The following PRLR variants were observed in gnomAD, a reference collection of about 807,000 sequenced individuals.
PRLR encodes prolactin receptor.
In PRLR, 13 loss-of-function variants were observed where a neutral mutation model predicts 40.2. The ratio of observed to expected loss-of-function variants is 0.32; its 90% CI spans 0.21 to 0.51. The LOEUF (loss-of-function observed/expected upper bound fraction) is 0.51. Among genes scored for constraint, PRLR ranks in the 20% least tolerant of loss-of-function variants. PRLR has a pLI of 0.97. For synonymous variants in PRLR, 269 were observed against 278.7 expected (o/e 0.97, Z 0.35); for missense variants, 656 against 747.3 (o/e 0.88, Z 1.42).
chr5:35,223,920 A>G (rs749262492), intron 1 of PRLR, among the ~76,000 whole-genome samples: 1 of 152,212 alleles, frequency 6.6e-6, no homozygotes, highest in Non-Finnish European at 1.5e-5. Context: ...CTAGAGAAAT[A>G]GCTGGGAAAG....
chr5:35,218,274 T>C (rs1475754554), intron 1 of PRLR, among the ~76,000 whole-genome samples: 1 of 152,142 alleles, frequency 6.6e-6, no homozygotes, highest in African/African-American at 2.4e-5. Flanking sequence ...TTTTGAAAAT[T>C]AAAGTTGAAT....
rs569487183 is a variant in PRLR at position 35,083,914 on chromosome 5, A to G, written c.373+556T>C. On this transcript the variant is annotated intron_variant, in intron 5 of 9. Coordinates refer to ENST00000618457, the MANE Select transcript of PRLR (RefSeq NM_000949.7). ...ATAAAAGTAACATGATTACTTTGTA[A>G]ATGTTTAGTAAAAAAAATTACCAAT... Among the ~76,000 whole-genome samples, 12 of 152,178 alleles carry G rather than the reference A, an allele frequency of 7.9e-5. No individual in the cohort carries two copies. The East Asian group carries it at 2.1e-3, about 27-fold the overall frequency.
intron 1 of PRLR, among the ~76,000 whole-genome samples, chr5:35,127,026 G>A (rs1314773478): frequency 6.6e-6 from 1 of 152,202 alleles, no homozygotes; most frequent in Non-Finnish European, 1.5e-5. Flanking sequence ...GCCACCTGGA[G>A]TAAGAACTGC....
At chr5:35,123,580 C>T (rs1016862659) in intron 1 of PRLR, among the ~76,000 whole-genome samples, 2 of 152,112 alleles carry the variant, frequency 1.3e-5, no homozygotes, top group African/African-American at 4.8e-5. Context: ...CATTGTTTAA[C>T]AGAGAGACAG....
intron 1 of PRLR, among the ~76,000 whole-genome samples, chr5:35,138,918 A>T (rs1470683575): frequency 6.6e-6 from 1 of 152,230 alleles, no homozygotes; most frequent in African/African-American, 2.4e-5. Context: ...AATTTCAAAG[A>T]TAATAAAATG....
intron 8 of PRLR, chr5:35,049,480 A>G: frequency 1.5e-6 from 1 of 655,446 alleles, no homozygotes; most frequent in Non-Finnish European, 2.7e-6. Context: ...TACCTCTTTT[A>G]TTTAAAAAGA....
At chr5:35,086,131 T>G in intron 4 of PRLR, 77 bp downstream of exon 4, 1 of 1,560,794 alleles carries the variant, frequency 6.4e-7, no homozygotes, top group Non-Finnish European at 8.7e-7. Flanking sequence ...GTGCTGTCAC[T>G]CAGAACCAGT....
chr5:35,184,073 C>A (rs1775362196), intron 1 of PRLR, among the ~76,000 whole-genome samples: 1 of 152,186 alleles, frequency 6.6e-6, no homozygotes, highest in African/African-American at 2.4e-5. Flanking sequence ...TAAGACCTTG[C>A]TCTTTTAGAT....
At chr5:35,078,029 A>G (rs897553466) in intron 5 of PRLR, among the ~76,000 whole-genome samples, 1 of 152,232 alleles carries the variant, frequency 6.6e-6, no homozygotes, top group Non-Finnish European at 1.5e-5. Flanking sequence ...ACAACATACC[A>G]GAATCTCTGG....
rs951103554 is a variant in PRLR, at chr5:35,153,128, T to C, written c.-105-35006A>G. On this transcript the variant is annotated intron_variant, in intron 1 of 9. Coordinates refer to ENST00000618457, the MANE Select transcript of PRLR (RefSeq NM_000949.7). ...CAAATCATGTATACAAAGTGCCTGG[T>C]ATATCATAAGCACTTAATAAAGGAT... Among the ~76,000 whole-genome samples the C allele has an allele frequency of 4.9e-4, 74 of 151,930 alleles. 1 individual carries two copies. The highest frequency in any genetic ancestry group is 2.0e-4 in the Admixed American group (3 of 15,282).
At chr5:35,197,926 T>C (rs1157442770) in intron 1 of PRLR, among the ~76,000 whole-genome samples, 1 of 152,236 alleles carries the variant, frequency 6.6e-6, no homozygotes, top group African/African-American at 2.4e-5. Context: ...CAAGGAGTGA[T>C]GCCCATCCTG....
In PRLR at chr5:35,109,674, C is replaced by T. The variant is rs147268027; in HGVS notation, c.-44+8387G>A. On this transcript the variant is annotated intron_variant, in intron 2 of 9. Coordinates refer to ENST00000618457, the MANE Select transcript of PRLR (RefSeq NM_000949.7). ...AATCAAAACCACAATGAGATACCAT[C>T]TCACACCCGTTAGAATGGCAATCAT... Among the ~76,000 whole-genome samples the T allele has an allele frequency of 3.7e-3, 567 of 152,314 alleles. 3 individuals carry two copies. Among genetic ancestry groups the T allele is most frequent in the African/African-American group, 0.012 (491 of 41,566 alleles).
In PRLR at chr5:35,065,503, C is replaced by T. The variant is rs1449877653; in HGVS notation, c.1455G>A (p.Glu485=). 1.2e-6 allele frequency: 2 copies of T among 1,614,122 alleles called. No homozygotes were observed. The highest frequency in any genetic ancestry group is 1.7e-6 in the Non-Finnish European group (2 of 1,180,032). ...QQREVESFHS[E]TDQDTPWLLP... is the part of the protein sequence containing the mutation. ...GCAGCCAGGGCGTATCCTGGTCAGT[C>T]TCAGAATGGAAGCTTTCTACCTCCC... The change falls in exon 10 of 10, where the codon GAG becomes GAA. Residue 485 remains glutamate (E), a synonymous_variant. Transcript: ENST00000618457.
At chr5:35,196,663 A>G (rs1255791429) in intron 1 of PRLR, among the ~76,000 whole-genome samples, 1 of 152,216 alleles carries the variant, frequency 6.6e-6, no homozygotes, top group African/African-American at 2.4e-5. Flanking sequence ...CTACATGAAC[A>G]TTGCCATGGG....
At chr5:35,071,135 GAATTTACC>G (rs1214425668) in intron 6 of PRLR, among the ~76,000 whole-genome samples, 8 of 152,130 alleles carry the variant, frequency 5.3e-5, no homozygotes, top group Non-Finnish European at 8.8e-5. Context: ...TATCACCTCT[GAATTTACC>G]AATTCTTGGT....
chr5:35,061,356 C>T lies in PRLR; in HGVS notation c.*3733G>A, dbSNP rs1344569094. 2 of 152,102 alleles carry T rather than the reference C, an allele frequency of 1.3e-5. No homozygotes were observed. Among genetic ancestry groups the T allele is most frequent in the African/African-American group, 4.8e-5 (2 of 41,388 alleles). 9.4% of individuals were successfully genotyped at this position (152,102 alleles called of 1,614,324 possible). A position where few individuals can be genotyped will look rare whatever the true frequency, so the allele number is the denominator to read the frequency against. On this transcript the variant is annotated 3_prime_UTR_variant, in exon 10 of 10. Coordinates refer to ENST00000618457, the MANE Select transcript of PRLR (RefSeq NM_000949.7). ...TGAGGAAAGAGAAAGCCAGAGTTTC[C>T]CCAGAGCTAAACTGCAACTTGGAAT...
At chr5:35,108,645 A>C (rs1340591345) in intron 2 of PRLR, among the ~76,000 whole-genome samples, 1 of 152,208 alleles carries the variant, frequency 6.6e-6, no homozygotes, top group African/African-American at 2.4e-5. Context: ...ATATCTAGGA[A>C]TCCAACTTAC....
intron 1 of PRLR, among the ~76,000 whole-genome samples, chr5:35,221,170 C>T (rs1309976705): frequency 2.0e-5 from 3 of 152,184 alleles, no homozygotes; most frequent in Admixed American, 6.5e-5. Context: ...GAGACTACTG[C>T]TGTAATTATA....
At chr5:35,124,588 A>T (rs765140496) in intron 1 of PRLR, among the ~76,000 whole-genome samples, 2 of 152,184 alleles carry the variant, frequency 1.3e-5, no homozygotes, top group Non-Finnish European at 2.9e-5. Flanking sequence ...GCAGGCACTG[A>T]CATCCAGGCC....
Sources: allele counts gnomAD v4.1 joint callset (sites outside exome capture counted in the v4.1 genomes callset), GRCh38; gene constraint gnomAD v4.1.1; transcripts MANE v1.5; gene names NCBI Gene and HGNC (gene_info 2026-07-23, HGNC 2026-07-21).